The following GLCCI1 variants were observed in gnomAD, a reference collection of about 807,000 sequenced individuals.
The protein encoded by GLCCI1 is glucocorticoid induced 1.
In GLCCI1, 24 loss-of-function variants were observed where a neutral mutation model predicts 52.2. The observed-to-expected ratio is 0.46, with a 90% CI of 0.33 to 0.65. The LOEUF is 0.65. Among genes scored for constraint, GLCCI1 ranks in the 30% least tolerant of loss-of-function variants. The probability of loss-of-function intolerance (pLI) is 0.02; values close to 1 mark genes in which losing one functional copy is unlikely to be tolerated. For synonymous variants in GLCCI1, 310 were observed against 276.5 expected, an observed-to-expected ratio of 1.12 and a Z score of -1.20; for missense variants, 704 against 701.5, an observed-to-expected ratio of 1.00 and a Z score of -0.04.
chr7:8,024,507 A>T (rs542544414), intron 3 of GLCCI1, among the ~76,000 whole-genome samples: 1 of 152,384 alleles, frequency 6.6e-6, no homozygotes, highest in South Asian at 2.1e-4. Context: ...ATTTAGGCTG[A>T]AAGGAAGTAA....
intron 1 of GLCCI1, among the ~76,000 whole-genome samples, chr7:7,989,571 G>T (rs138485099): frequency 1.3e-5 from 2 of 152,036 alleles, no homozygotes; most frequent in African/African-American, 2.4e-5. Context: ...TCTACTTGAG[G>T]CTCTTCCCAA....
chr7:7,998,865 A>C lies in GLCCI1; in HGVS notation c.458-5043A>C, dbSNP rs147351435. On this transcript the variant is annotated intron_variant, in intron 1 of 7. Coordinates refer to ENST00000223145, the MANE Select transcript of GLCCI1 (RefSeq NM_138426.4). ...GTATAGTCAAGCTTTTAATGTCTCT[A>C]AATAGGTTGTTGAATAGGTTGTTGC... 1.2e-3 allele frequency among the ~76,000 whole-genome samples: 185 copies of C among 152,286 alleles called. 1 individual carries two copies. Among genetic ancestry groups the C allele is most frequent in the African/African-American group, 4.1e-3 (172 of 41,578 alleles).
chr7:8,058,095 G>C (rs922984115), intron 4 of GLCCI1, among the ~76,000 whole-genome samples: 2 of 152,038 alleles, frequency 1.3e-5, no homozygotes, highest in African/African-American at 4.8e-5. Context: ...ATAATGAAAA[G>C]GGGAAAACTG....
intron 1 of GLCCI1, among the ~76,000 whole-genome samples, chr7:7,972,147 T>A (rs1780366648): frequency 6.6e-6 from 1 of 152,212 alleles, no homozygotes; most frequent in Admixed American, 6.5e-5. Context: ...TCAATTTCTT[T>A]TGAATGCTGT....
chr7:8,042,245 AT>A (rs1465502864), intron 3 of GLCCI1, among the ~76,000 whole-genome samples: 1 of 152,232 alleles, frequency 6.6e-6, no homozygotes. Context: ...AATTCTTATT[AT>A]TTAAGAAGTA....
chr7:8,009,615 G>A (rs999914953), intron 2 of GLCCI1, among the ~76,000 whole-genome samples: 18 of 152,304 alleles, frequency 1.2e-4, no homozygotes, highest in African/African-American at 4.3e-4. Flanking sequence ...TGACAGGGAA[G>A]TAACTGTTCA....
chr7:8,016,118 T>C (rs924745574), intron 2 of GLCCI1, among the ~76,000 whole-genome samples: 5 of 152,224 alleles, frequency 3.3e-5, no homozygotes, highest in Non-Finnish European at 7.3e-5. Context: ...ATTCCTGTGA[T>C]AATATTAAAC....
At chr7:8,042,466 A>T (rs1246500050) in intron 3 of GLCCI1, among the ~76,000 whole-genome samples, 1 of 152,178 alleles carries the variant, frequency 6.6e-6, no homozygotes, top group Non-Finnish European at 1.5e-5. Flanking sequence ...TCAAGACTAG[A>T]GTGGAGGAAG....
At chr7:8,035,284 C>G (rs1781840739) in intron 3 of GLCCI1, among the ~76,000 whole-genome samples, 1 of 152,230 alleles carries the variant, frequency 6.6e-6, no homozygotes, top group Non-Finnish European at 1.5e-5. Context: ...CAGATGTGGG[C>G]ACTGTGCTTG....
chr7:8,078,591 C>G (rs1400881943), intron 6 of GLCCI1: 1 of 152,122 alleles, frequency 6.6e-6, no homozygotes, highest in African/African-American at 2.4e-5. Context: ...TTTAATTGCT[C>G]TATTTTTTCC....
intron 1 of GLCCI1, among the ~76,000 whole-genome samples, chr7:7,998,842 A>G (rs901369905): frequency 1.3e-5 from 2 of 152,194 alleles, no homozygotes; most frequent in Non-Finnish European, 2.9e-5. Context: ...TCTAGAGTGT[A>G]TAGTCAAGCT....
At chr7:8,026,143 A>G (rs1781614639) in intron 3 of GLCCI1, among the ~76,000 whole-genome samples, 1 of 152,212 alleles carries the variant, frequency 6.6e-6, no homozygotes, top group Non-Finnish European at 1.5e-5. Flanking sequence ...TAGGAAAAGG[A>G]CATAAATTAT....
chr7:8,063,789 T>C (rs1782570492), intron 5 of GLCCI1, among the ~76,000 whole-genome samples: 1 of 151,818 alleles, frequency 6.6e-6, no homozygotes, highest in African/African-American at 2.4e-5. Context: ...CAGCTGATTT[T>C]TTTTTTAATT....
At chr7:8,012,569 C>T (rs752968234) in intron 2 of GLCCI1, among the ~76,000 whole-genome samples, 14 of 150,268 alleles carry the variant, frequency 9.3e-5, no homozygotes, top group East Asian at 2.0e-4. Context: ...CTCAGCCTCC[C>T]GAGTAGCTGG....
At chr7:8,023,647 G>A (rs1295818240) in intron 3 of GLCCI1, among the ~76,000 whole-genome samples, 1 of 117,472 alleles carries the variant, frequency 8.5e-6, no homozygotes, top group Non-Finnish European at 1.6e-5. Context: ...CACCCAGGCT[G>A]GAGGACAGTG....
At chr7:8,084,851 A>C in intron 6 of GLCCI1, 46 bp from the exon 7 acceptor site, 1 of 1,603,632 alleles carries the variant, frequency 6.2e-7, no homozygotes, top group Non-Finnish European at 8.5e-7. Context: ...ATCAAATTTA[A>C]AAGAGCTTTC....
In GLCCI1 at chr7:8,071,101, A is replaced by G. The variant is rs143731151; in HGVS notation, c.1147A>G (p.Thr383Ala). ...PESQDGSPCSTEDLLYDRDKD... is the reference protein window; with the variant it reads ...PESQDGSPCSAEDLLYDRDKD... ...ATCCCAGGATGGTAGCCCTTGCTCAACAGAAGATTTGCTCTATGATCGTGA... is the reference window on the plus strand; with the variant it reads ...ATCCCAGGATGGTAGCCCTTGCTCAGCAGAAGATTTGCTCTATGATCGTGA... The change falls in exon 6 of 8, where the codon ACA becomes GCA. Residue 383 changes from threonine (T) to alanine (A), a missense_variant. By Grantham distance (58) the Thr-to-Ala change is moderately conservative. Coordinates refer to ENST00000223145, the MANE Select transcript of GLCCI1 (RefSeq NM_138426.4). The G allele has an allele frequency of 1.1e-4, 181 of 1,614,150 alleles. 1 individual carries two copies. In the African/African-American group the frequency reaches 1.9e-3, roughly 17 times the overall value.
At chr7:8,061,976 G>A (rs1782528053) in intron 5 of GLCCI1, among the ~76,000 whole-genome samples, 1 of 151,592 alleles carries the variant, frequency 6.6e-6, no homozygotes, top group African/African-American at 2.4e-5. Flanking sequence ...CCATTAAAGT[G>A]TTTTTTTTAT....
At chr7:8,014,103 C>T (rs1443721863) in intron 2 of GLCCI1, among the ~76,000 whole-genome samples, 3 of 151,872 alleles carry the variant, frequency 2.0e-5, no homozygotes, top group African/African-American at 7.3e-5. Context: ...GATTCTCCTG[C>T]CTTAGCCTCC....
Sources: allele counts gnomAD v4.1 joint callset (sites outside exome capture counted in the v4.1 genomes callset), GRCh38; gene constraint gnomAD v4.1.1; transcripts MANE v1.5; gene names NCBI Gene and HGNC (gene_info 2026-07-23, HGNC 2026-07-21).